Variants in CHCHD3 observed in about 807,000 individuals in gnomAD.
CHCHD3 encodes coiled-coil-helix-coiled-coil-helix domain containing 3, also known as MICOS complex subunit MIC19.
Under a neutral mutation model 38.2 loss-of-function variants are expected in CHCHD3, and 20 were observed. That is an observed-to-expected ratio of 0.52 (90% CI 0.37 to 0.76). CHCHD3 has a LOEUF of 0.76. CHCHD3 is among the 30% of genes least tolerant of loss of function. The pLI is 0.00. For missense variants in CHCHD3, 245 were observed against 279.2 expected (o/e 0.88, Z 0.87); for synonymous variants, 82 against 100.0 (o/e 0.82, Z 1.07).
chr7:132,885,029 A>G (rs748391413), intron 5 of CHCHD3, among the ~76,000 whole-genome samples: 1 of 152,188 alleles, frequency 6.6e-6, no homozygotes, highest in Non-Finnish European at 1.5e-5. Flanking sequence ...AGGGAGGCAG[A>G]TGACTTGAGG....
intron 4 of CHCHD3, among the ~76,000 whole-genome samples, chr7:132,969,515 GTTT>G (rs1811558555): frequency 6.6e-6 from 1 of 152,122 alleles, no homozygotes; most frequent in Admixed American, 6.5e-5. Flanking sequence ...AGCCCAGGAC[GTTT>G]TTTACATTGA....
chr7:132,879,545 G>A (rs1808996862), intron 5 of CHCHD3, among the ~76,000 whole-genome samples: 1 of 151,728 alleles, frequency 6.6e-6, no homozygotes, highest in African/African-American at 2.4e-5. Flanking sequence ...CTTCATCCTG[G>A]AAGACCCATG....
intron 5 of CHCHD3, among the ~76,000 whole-genome samples, chr7:132,839,378 T>C (rs1585560861): frequency 6.6e-6 from 1 of 152,152 alleles, no homozygotes; most frequent in Non-Finnish European, 1.5e-5. Context: ...CAAGATGCAG[T>C]GGCAAAGTAA....
At chr7:132,901,999 T>G (rs1482876015) in intron 4 of CHCHD3, among the ~76,000 whole-genome samples, 1 of 152,188 alleles carries the variant, frequency 6.6e-6, no homozygotes. Flanking sequence ...CTTGAATTAA[T>G]TTTTGTATAA....
intron 6 of CHCHD3, among the ~76,000 whole-genome samples, chr7:132,837,983 A>G (rs1807832601): frequency 6.6e-6 from 1 of 152,222 alleles, no homozygotes; most frequent in African/African-American, 2.4e-5. Flanking sequence ...AGAAATGAAA[A>G]CAGCCTAACC....
rs1814143385 is a variant in CHCHD3, at chr7:133,050,858, T to TA, written c.169+19283dup. Among the ~76,000 whole-genome samples, 3 of 151,562 alleles carry TA rather than the reference T, an allele frequency of 2.0e-5. No homozygotes were observed. The East Asian group carries it at 5.9e-4, about 30-fold the overall frequency. On this transcript the variant is annotated intron_variant, in intron 2 of 7. Coordinates refer to ENST00000262570, the MANE Select transcript of CHCHD3 (RefSeq NM_017812.4). ...GGCAAAGCCCTGTCTCTGCTAAAAA[T>TA]ACAAAAAATTAGCCAGGCGTGGTGG... is the stretch of plus-strand genomic sequence containing the variant.
At chr7:133,072,788 C>G (rs1453147187) in intron 1 of CHCHD3, among the ~76,000 whole-genome samples, 2 of 148,190 alleles carry the variant, frequency 1.3e-5, no homozygotes, top group Non-Finnish European at 3.0e-5. Context: ...GCAGTGAGAT[C>G]GCGCCACAGC....
At chr7:132,791,201 G>A (rs1806451041) in intron 7 of CHCHD3, among the ~76,000 whole-genome samples, 1 of 152,196 alleles carries the variant, frequency 6.6e-6, no homozygotes, top group African/African-American at 2.4e-5. Flanking sequence ...CAGACCTTCT[G>A]AATCAGAATC....
chr7:133,011,544 T>C (rs1165767960), intron 3 of CHCHD3, among the ~76,000 whole-genome samples: 1 of 152,184 alleles, frequency 6.6e-6, no homozygotes, highest in African/African-American at 2.4e-5. Flanking sequence ...ACCTATCAGA[T>C]GCCAGTGGTA....
chr7:132,917,779 A>C (rs1810147170), intron 4 of CHCHD3, among the ~76,000 whole-genome samples: 1 of 149,420 alleles, frequency 6.7e-6, no homozygotes, highest in Admixed American at 6.8e-5. Flanking sequence ...GAATGACGTG[A>C]ACTCGGGAGG....
chr7:132,984,794 T>G (rs1301546563), intron 3 of CHCHD3, among the ~76,000 whole-genome samples: 1 of 124,954 alleles, frequency 8.0e-6, no homozygotes, highest in East Asian at 2.6e-4. Flanking sequence ...CGGCAGCCAC[T>G]CCGTCTGGGA....
At chr7:133,006,839 T>A (rs10264188) in intron 3 of CHCHD3, among the ~76,000 whole-genome samples, 8,303 of 152,232 alleles carry the variant, frequency 0.055, 751 homozygotes, top group African/African-American at 0.19. Context: ...ACCGTAAATG[T>A]CTAATAGTGA....
At chr7:132,916,885 T>A (rs1810118849) in intron 4 of CHCHD3, among the ~76,000 whole-genome samples, 2 of 152,292 alleles carry the variant, frequency 1.3e-5, no homozygotes, top group South Asian at 4.1e-4. Flanking sequence ...CTGGCTACTA[T>A]CCCTAATTTA....
chr7:132,935,946 T>A (rs1267482823), intron 4 of CHCHD3, among the ~76,000 whole-genome samples: 1 of 152,108 alleles, frequency 6.6e-6, no homozygotes, highest in Non-Finnish European at 1.5e-5. Context: ...AGAGAGAGGA[T>A]GGGGGCCAAA....
intron 7 of CHCHD3, among the ~76,000 whole-genome samples, chr7:132,791,217 G>C (rs1213976163): frequency 6.6e-6 from 1 of 152,200 alleles, no homozygotes; most frequent in Admixed American, 6.5e-5. Flanking sequence ...GAATCTCCAG[G>C]GATGGGGATT....
In CHCHD3 at chr7:132,935,145, T is replaced by C. The variant is rs773142974; in HGVS notation, c.369+40024A>G. Among the ~76,000 whole-genome samples the C allele has an allele frequency of 5.3e-5, 8 of 152,252 alleles. No individual in the cohort carries two copies. In the South Asian group the frequency reaches 1.7e-3, roughly 32 times the overall value. ...TAATCCTGCCTCAGAATCCAATCAC[T>C]CACAAATGCCTACTGGCAAAACTAT... On this transcript the variant is annotated intron_variant, in intron 4 of 7. Coordinates refer to ENST00000262570, the MANE Select transcript of CHCHD3 (RefSeq NM_017812.4).
chr7:133,042,590 G>A (rs1813863306), intron 2 of CHCHD3, among the ~76,000 whole-genome samples: 1 of 152,186 alleles, frequency 6.6e-6, no homozygotes, highest in African/African-American at 2.4e-5. Flanking sequence ...ACTGGCTCTA[G>A]TCTGTGCCAA....
At chr7:133,050,993 G>C (rs542831542) in intron 2 of CHCHD3, among the ~76,000 whole-genome samples, 12 of 152,152 alleles carry the variant, frequency 7.9e-5, no homozygotes, top group Non-Finnish European at 1.8e-4. Context: ...TCCAGGCTGG[G>C]TGACAGAGCA....
intron 6 of CHCHD3, among the ~76,000 whole-genome samples, chr7:132,828,414 T>C (rs1191826381): frequency 6.6e-6 from 1 of 152,188 alleles, no homozygotes; most frequent in East Asian, 1.9e-4. Flanking sequence ...TCCAAGTCTT[T>C]TGCCCATGAA....
Sources: allele counts gnomAD v4.1 joint callset (sites outside exome capture counted in the v4.1 genomes callset), GRCh38; gene constraint gnomAD v4.1.1; transcripts MANE v1.5; gene names NCBI Gene and HGNC (gene_info 2026-07-23, HGNC 2026-07-21).